The following TRPC6 variants were observed in gnomAD, a reference collection of about 807,000 sequenced individuals.
TRPC6 encodes the protein transient receptor potential cation channel subfamily C member 6, also known as short transient receptor potential channel 6.
TRPC6 carries 55 observed loss-of-function variants against 90.7 expected under a neutral mutation model. That is an observed-to-expected ratio of 0.61 (90% CI 0.49 to 0.76). The LOEUF is 0.76. Among genes scored for constraint, TRPC6 ranks in the 30% least tolerant of loss-of-function variants. TRPC6 has a pLI of 0.00. For missense variants in TRPC6, 989 were observed against 1,122.7 expected (o/e 0.88, Z 1.70); for synonymous variants, 393 against 393.0 (o/e 1.00, Z 0.00).
intron 1 of TRPC6, among the ~76,000 whole-genome samples, chr11:101,536,253 G>T (rs575032571): frequency 6.6e-6 from 1 of 152,154 alleles, no homozygotes; most frequent in Non-Finnish European, 1.5e-5. Flanking sequence ...CAGGCTTGGT[G>T]GTTCATGCCT....
chr11:101,536,017 G>T (rs906252259), intron 1 of TRPC6, among the ~76,000 whole-genome samples: 11 of 152,138 alleles, frequency 7.2e-5, no homozygotes, highest in African/African-American at 2.7e-4. Flanking sequence ...TAGGAAATGG[G>T]GAAACTGTGG....
chr11:101,568,609 G>A (rs528390272), intron 1 of TRPC6, among the ~76,000 whole-genome samples: 4 of 152,272 alleles, frequency 2.6e-5, no homozygotes, highest in African/African-American at 9.6e-5. Context: ...AGGGCAGGCA[G>A]AGAGAAAAGA....
At chr11:101,507,838 G>T (rs750158346) in intron 1 of TRPC6, among the ~76,000 whole-genome samples, 152 of 152,000 alleles carry the variant, frequency 1.0e-3, no homozygotes, top group Non-Finnish European at 1.8e-3. Flanking sequence ...CCTTTTCTTA[G>T]AAATAGTCTT....
intron 1 of TRPC6, among the ~76,000 whole-genome samples, chr11:101,547,436 G>A (rs1861332721): frequency 6.6e-6 from 1 of 152,036 alleles, no homozygotes; most frequent in African/African-American, 2.4e-5. Flanking sequence ...TGGAACAAAT[G>A]CTCTGCTGCC....
intron 5 of TRPC6, among the ~76,000 whole-genome samples, chr11:101,477,703 A>T (rs1269888580): frequency 6.6e-6 from 1 of 152,156 alleles, no homozygotes; most frequent in Admixed American, 6.6e-5. Context: ...GTAAAATGGG[A>T]ATGATATTGG....
chr11:101,531,229 C>T (rs528233614), intron 1 of TRPC6, among the ~76,000 whole-genome samples: 18 of 152,292 alleles, frequency 1.2e-4, no homozygotes, highest in African/African-American at 4.3e-4. Context: ...TTGTCAATTA[C>T]ACCCTAATAA....
At chr11:101,580,740 A>AAG (rs1862179184) in intron 1 of TRPC6, among the ~76,000 whole-genome samples, 1 of 152,226 alleles carries the variant, frequency 6.6e-6, no homozygotes, top group African/African-American at 2.4e-5. Context: ...AAGACTTGGG[A>AAG]TCTTATAAGG....
chr11:101,480,736 G>T (rs183339639), intron 5 of TRPC6, among the ~76,000 whole-genome samples: 1 of 152,038 alleles, frequency 6.6e-6, no homozygotes, highest in Non-Finnish European at 1.5e-5. Context: ...GAACATGTCC[G>T]TTGTGCCAAG....
At chr11:101,504,848 G>A (rs756178911) in intron 1 of TRPC6, 50 bp from the exon 2 acceptor site, 8 of 1,598,002 alleles carry the variant, frequency 5.0e-6, no homozygotes, top group Non-Finnish European at 6.8e-6. Flanking sequence ...GAGCATTTTA[G>A]TGTGCCAAAT....
In TRPC6 at chr11:101,507,025, A is replaced by T. The variant is rs536093451; in HGVS notation, c.171-2227T>A. Among the ~76,000 whole-genome samples the T allele has an allele frequency of 4.0e-5, 6 of 150,182 alleles. No individual in the cohort carries two copies. The South Asian group carries it at 1.3e-3, about 32-fold the overall frequency. Reference sequence around the variant, plus strand: ...CTCTCTAACACACACACACACACACACACACACACACACACACACACACAC... The same window carrying T: ...CTCTCTAACACACACACACACACACTCACACACACACACACACACACACAC... On this transcript the variant is annotated intron_variant, in intron 1 of 12. Transcript: ENST00000344327.
At chr11:101,547,609 AATATTTCTTCC>A (rs1246513533) in intron 1 of TRPC6, among the ~76,000 whole-genome samples, 5 of 152,204 alleles carry the variant, frequency 3.3e-5, no homozygotes, top group African/African-American at 1.2e-4. Flanking sequence ...TTCTGTTATG[AATATTTCTTCC>A]TATCTGTAAT....
chr11:101,518,571 A>G (rs935081572), intron 1 of TRPC6, among the ~76,000 whole-genome samples: 2 of 152,218 alleles, frequency 1.3e-5, no homozygotes, highest in Admixed American at 6.5e-5. Context: ...TGTGAAGAAA[A>G]GGAAACCCTT....
chr11:101,475,851 TACAC>T (rs757348307), intron 6 of TRPC6, among the ~76,000 whole-genome samples: 8 of 129,844 alleles, frequency 6.2e-5, no homozygotes, highest in Non-Finnish European at 1.3e-4. Context: ...CACATATATA[TACAC>T]ACACACACAT....
chr11:101,520,977 A>T (rs1860645012), intron 1 of TRPC6, among the ~76,000 whole-genome samples: 1 of 152,216 alleles, frequency 6.6e-6, no homozygotes, highest in Admixed American at 6.5e-5. Flanking sequence ...TATATTTAAA[A>T]GGGAGGCAGA....
At chr11:101,467,255 CCTT>C (rs1185270350) in intron 10 of TRPC6, among the ~76,000 whole-genome samples, 6 of 152,036 alleles carry the variant, frequency 3.9e-5, no homozygotes, top group Non-Finnish European at 7.4e-5. Flanking sequence ...TAACTGGACC[CCTT>C]CTTTATTTTT....
chr11:101,543,822 G>A (rs1241834954), intron 1 of TRPC6, among the ~76,000 whole-genome samples: 3 of 152,108 alleles, frequency 2.0e-5, no homozygotes, highest in African/African-American at 7.2e-5. Context: ...ACATAGGCAT[G>A]GGCAAAGACT....
chr11:101,576,210 G>A (rs1862066763), intron 1 of TRPC6, among the ~76,000 whole-genome samples: 1 of 152,182 alleles, frequency 6.6e-6, no homozygotes, highest in African/African-American at 2.4e-5. Context: ...AATTACATTT[G>A]TATGACAACT....
At chr11:101,573,079 T>A (rs1861999319) in intron 1 of TRPC6, among the ~76,000 whole-genome samples, 1 of 149,544 alleles carries the variant, frequency 6.7e-6, no homozygotes, top group African/African-American at 2.4e-5. Context: ...CTAAAAATGC[T>A]AAGATGAAAA....
chr11:101,482,420 GA>G (rs1859572849), intron 5 of TRPC6, among the ~76,000 whole-genome samples: 2 of 152,118 alleles, frequency 1.3e-5, no homozygotes, highest in African/African-American at 4.8e-5. Flanking sequence ...GAGGCCTAAA[GA>G]AAGTTACTTG....
Sources: allele counts gnomAD v4.1 joint callset (sites outside exome capture counted in the v4.1 genomes callset), GRCh38; gene constraint gnomAD v4.1.1; transcripts MANE v1.5; gene names NCBI Gene and HGNC (gene_info 2026-07-23, HGNC 2026-07-21).